Variants in CSMD1 observed in about 807,000 individuals in gnomAD.
CSMD1 encodes CUB and Sushi multiple domains 1.
In CSMD1, 213 loss-of-function variants were observed where a neutral mutation model predicts 417.5. That is an observed-to-expected ratio of 0.51 (90% confidence interval 0.46 to 0.57). CSMD1 has a LOEUF of 0.57. CSMD1 is among the 20% of genes least tolerant of loss of function. CSMD1 has a pLI of 0.00. For missense variants in CSMD1, 6,923 were observed against 4,529.7 expected (o/e 1.53, Z -15.17); for synonymous variants, 2,862 against 1,736.8 (o/e 1.65, Z -16.11).
chr8:4,876,401 A>T (rs147461518), intron 1 of CSMD1, among the ~76,000 whole-genome samples: 1 of 152,256 alleles, frequency 6.6e-6, no homozygotes, highest in East Asian at 1.9e-4. Context: ...AAACCGTTAA[A>T]GGAGTACAAG....
chr8:4,407,367 A>G (rs1012413318), intron 3 of CSMD1, among the ~76,000 whole-genome samples: 5 of 152,226 alleles, frequency 3.3e-5, no homozygotes, highest in Non-Finnish European at 7.3e-5. Flanking sequence ...AATTTTTACT[A>G]TGACTCTTGT....
intron 3 of CSMD1, among the ~76,000 whole-genome samples, chr8:4,329,009 G>A (rs1489477914): frequency 1.3e-5 from 2 of 152,036 alleles, no homozygotes; most frequent in African/African-American, 4.8e-5. Flanking sequence ...TTCCTCTTGG[G>A]CTTCCAACAT....
chr8:4,014,728 A>C (rs1796440662), intron 4 of CSMD1, among the ~76,000 whole-genome samples: 1 of 152,186 alleles, frequency 6.6e-6, no homozygotes, highest in South Asian at 2.1e-4. Context: ...GCTGGTAAAC[A>C]CTTCGCATGA....
In CSMD1 at chr8:3,810,580, G is replaced by A. The variant is rs191797430; in HGVS notation, c.819-56538C>T. On this transcript the variant is annotated intron_variant, in intron 5 of 69. Coordinates refer to ENST00000635120, the MANE Select transcript of CSMD1 (RefSeq NM_033225.6). The stretch of plus-strand genomic sequence containing the variant: ...AGGGTCAGTCTACAAGGGTTAGAAG[G>A]AGGCTTCTCCGACAGTTCTCCCTTG... 1.7e-4 allele frequency among the ~76,000 whole-genome samples: 26 copies of A among 152,280 alleles called. No homozygotes were observed. The East Asian group carries it at 5.0e-3, about 29-fold the overall frequency.
Position 4,589,909 on chromosome 8 carries a change from G to C in CSMD1, c.302+47433C>G, listed in dbSNP as rs536178820. On this transcript the variant is annotated intron_variant, in intron 2 of 69. Coordinates refer to ENST00000635120, the MANE Select transcript of CSMD1 (RefSeq NM_033225.6). Reference sequence around the variant, plus strand: ...CTGAGACCTGCCTTCTGACACCATAGAATATGTGGCTTTTGTCTAACCCAC... The same window carrying C: ...CTGAGACCTGCCTTCTGACACCATACAATATGTGGCTTTTGTCTAACCCAC... Among the ~76,000 whole-genome samples, 7 of 152,248 alleles carry C rather than the reference G, an allele frequency of 4.6e-5. No individual in the cohort carries two copies. In the South Asian group the frequency reaches 6.2e-4, roughly 14 times the overall value.
intron 3 of CSMD1, among the ~76,000 whole-genome samples, chr8:4,408,199 G>C (rs113549455): frequency 3.3e-4 from 50 of 152,344 alleles, no homozygotes; most frequent in African/African-American, 1.0e-3. Context: ...AGTGTTGCAA[G>C]TTGACAGGCC....
intron 5 of CSMD1, among the ~76,000 whole-genome samples, chr8:3,873,882 G>A (rs576434087): frequency 2.0e-5 from 3 of 152,224 alleles, no homozygotes; most frequent in African/African-American, 7.2e-5. Flanking sequence ...AAGCCAGACT[G>A]GCTGAACTGG....
chr8:3,257,462 A>C (rs367560282), intron 26 of CSMD1, among the ~76,000 whole-genome samples: 1 of 152,214 alleles, frequency 6.6e-6, no homozygotes, highest in East Asian at 1.9e-4. Flanking sequence ...AAATACAACC[A>C]AGTAATAAAT....
At chr8:2,954,325 T>C (rs896414683) in intron 64 of CSMD1, 57 bp from the exon 65 acceptor site, 12 of 1,109,454 alleles carry the variant, frequency 1.1e-5, no homozygotes, top group South Asian at 4.6e-5. Context: ...TTGAGTAAGT[T>C]TGAAAAAATG....
intron 5 of CSMD1, among the ~76,000 whole-genome samples, chr8:3,939,797 T>C (rs1585001979): frequency 6.6e-6 from 1 of 152,100 alleles, no homozygotes; most frequent in Non-Finnish European, 1.5e-5. Context: ...TGTTCTCACT[T>C]GTGAGAGCTA....
chr8:3,389,345 C>G (rs1170254013), intron 17 of CSMD1, among the ~76,000 whole-genome samples: 1 of 152,088 alleles, frequency 6.6e-6, no homozygotes, highest in Non-Finnish European at 1.5e-5. Context: ...TTAGCTCCCA[C>G]TTATAAGTGA....
intron 5 of CSMD1, among the ~76,000 whole-genome samples, 189 bp from the exon 6 acceptor site, chr8:3,754,231 C>T (rs542622450): frequency 3.9e-5 from 6 of 152,234 alleles, no homozygotes; most frequent in South Asian, 2.1e-4. Context: ...AACATAAATG[C>T]TAAATCCCTA....
At chr8:4,596,493 G>T (rs976127134) in intron 2 of CSMD1, among the ~76,000 whole-genome samples, 1 of 152,028 alleles carries the variant, frequency 6.6e-6, no homozygotes, top group African/African-American at 2.4e-5. Flanking sequence ...AAAATTTTAT[G>T]TATAACACAC....
At chr8:4,299,095 GGAA>G (rs1797842434) in intron 3 of CSMD1, among the ~76,000 whole-genome samples, 1 of 152,038 alleles carries the variant, frequency 6.6e-6, no homozygotes, top group Non-Finnish European at 1.5e-5. Flanking sequence ...ATATAAGGAG[GGAA>G]GAAGGTGATA....
At chr8:4,561,179 G>C (rs1287273735) in intron 2 of CSMD1, among the ~76,000 whole-genome samples, 1 of 152,138 alleles carries the variant, frequency 6.6e-6, no homozygotes, top group Non-Finnish European at 1.5e-5. Context: ...AGACCATCCT[G>C]GCCAACCTGG....
At chr8:3,489,174 G>A (rs1251967314) in intron 11 of CSMD1, among the ~76,000 whole-genome samples, 2 of 152,140 alleles carry the variant, frequency 1.3e-5, no homozygotes. Context: ...ACAACAGGGA[G>A]AAATGACGTC....
At chr8:4,618,258 T>G (rs1801585693) in intron 2 of CSMD1, among the ~76,000 whole-genome samples, 1 of 151,430 alleles carries the variant, frequency 6.6e-6, no homozygotes, top group African/African-American at 2.4e-5. Context: ...TAAATGTGCT[T>G]CAATGGCGCC....
intron 4 of CSMD1, among the ~76,000 whole-genome samples, chr8:3,999,303 G>A (rs1162185513): frequency 6.6e-6 from 1 of 152,090 alleles, no homozygotes; most frequent in Non-Finnish European, 1.5e-5. Flanking sequence ...GAGGTTGTGT[G>A]ACCGGCCTGA....
chr8:3,779,386 A>T (rs1001124297), intron 5 of CSMD1, among the ~76,000 whole-genome samples: 2 of 152,224 alleles, frequency 1.3e-5, no homozygotes, highest in African/African-American at 4.8e-5. Context: ...AAGGGGCTTC[A>T]GAAACCCTGT....
Sources: gnomAD v4.1 joint callset for allele counts (sites outside exome capture counted in the v4.1 genomes callset) on GRCh38, gnomAD v4.1.1 for gene constraint, MANE v1.5 for transcripts, NCBI Gene and HGNC (gene_info 2026-07-23, HGNC 2026-07-21) for gene names.